The following SASH1 variants were observed in gnomAD, a reference collection of about 807,000 sequenced individuals.
The protein encoded by SASH1 is SAM and SH3 domain containing 1.
SASH1 carries 44 observed loss-of-function variants against 125.2 expected under a neutral mutation model. The observed-to-expected ratio is 0.35, with a 90% confidence interval of 0.28 to 0.45. The LOEUF is 0.45. SASH1 is among the 20% of genes least tolerant of loss of function. The pLI, the probability that SASH1 is intolerant of heterozygous loss-of-function variation, is 1.00. For synonymous variants in SASH1, 639 were observed against 649.1 expected, an observed-to-expected ratio of 0.98 and a Z score of 0.24; for missense variants, 1,426 against 1,614.5, an observed-to-expected ratio of 0.88 and a Z score of 2.00.
intron 1 of SASH1, among the ~76,000 whole-genome samples, chr6:148,365,412 C>CTT (rs11380415): frequency 5.5e-4 from 80 of 144,438 alleles, no homozygotes; most frequent in Middle Eastern, 3.5e-3. Context: ...CTTTTACTAT[C>CTT]TTTTTTTTTT....
Position 148,353,733 on chromosome 6 carries a change from C to A in SASH1, c.156+10510C>A, listed in dbSNP as rs193167027. 7.0e-3 allele frequency among the ~76,000 whole-genome samples: 1,067 copies of A among 152,216 alleles called. 11 individuals are homozygous for A. Among genetic ancestry groups the A allele is most frequent in the African/African-American group, 0.024 (1,010 of 41,532 alleles). On this transcript the variant is annotated intron_variant, in intron 1 of 19. Coordinates refer to ENST00000367467, the MANE Select transcript of SASH1 (RefSeq NM_015278.5). ...TACAGGCGTGAGCCACCATACCTGA[C>A]CAATTGATCTTAACTATTGATTTGA...
intron 1 of SASH1, among the ~76,000 whole-genome samples, chr6:148,284,101 A>G (rs764087660): frequency 6.6e-6 from 1 of 152,170 alleles, no homozygotes; most frequent in Non-Finnish European, 1.5e-5. Flanking sequence ...TTTGATGACA[A>G]GAACTAATAG....
chr6:148,264,176 C>CAA, the SASH1 span, among the ~76,000 whole-genome samples: 2,666 of 52,324 alleles, frequency 0.051, 146 homozygotes, highest in African/African-American at 0.14. Flanking sequence ...TTATTTTGAC[C>CAA]GAAAAAAAAA....
At chr6:148,456,298 C>T (rs1300450417) in intron 4 of SASH1, among the ~76,000 whole-genome samples, 3 of 152,124 alleles carry the variant, frequency 2.0e-5, no homozygotes, top group Non-Finnish European at 4.4e-5. Context: ...CCTCCCTGCC[C>T]GTCTCTATAG....
chr6:148,446,064 T>G (rs1053485774), intron 4 of SASH1, among the ~76,000 whole-genome samples: 1 of 149,872 alleles, frequency 6.7e-6, no homozygotes, highest in Non-Finnish European at 1.5e-5. Flanking sequence ...CGGAGCACAT[T>G]GCTATCCTGA....
intron 10 of SASH1, among the ~76,000 whole-genome samples, chr6:148,521,395 T>C (rs1780800851): frequency 6.6e-6 from 1 of 152,220 alleles, no homozygotes; most frequent in Non-Finnish European, 1.5e-5. Flanking sequence ...TCAGTGTAAT[T>C]TAAATTCATT....
chr6:148,382,664 G>A (rs1186011016), intron 1 of SASH1, among the ~76,000 whole-genome samples: 1 of 152,168 alleles, frequency 6.6e-6, no homozygotes, highest in Non-Finnish European at 1.5e-5. Context: ...AGAGCTCTGA[G>A]GAGGAGGGTT....
intron 15 of SASH1, among the ~76,000 whole-genome samples, chr6:148,534,498 A>G (rs952379589): frequency 5.9e-5 from 9 of 152,210 alleles, no homozygotes; most frequent in Non-Finnish European, 1.0e-4. Context: ...GTACAATTAT[A>G]GTGCAAGCCA....
intron 1 of SASH1, among the ~76,000 whole-genome samples, chr6:148,373,574 A>C (rs1782777561): frequency 6.6e-6 from 1 of 152,178 alleles, no homozygotes; most frequent in African/African-American, 2.4e-5. Context: ...ACATGATCTG[A>C]CTTAGTCTCC....
chr6:148,515,266 A>G (rs901725357), intron 9 of SASH1, among the ~76,000 whole-genome samples: 1 of 152,112 alleles, frequency 6.6e-6, no homozygotes, highest in African/African-American at 2.4e-5. Flanking sequence ...TATGCTTTTT[A>G]AAAAACACCT....
At chr6:148,201,088 A>G in the SASH1 span, among the ~76,000 whole-genome samples, 2 of 152,212 alleles carry the variant, frequency 1.3e-5, no homozygotes, top group African/African-American at 2.4e-5. Context: ...AATGAGAGAT[A>G]AAAACACCAT....
At chr6:148,331,304 T>A (rs570050707) in intron 1 of SASH1, among the ~76,000 whole-genome samples, 5 of 152,310 alleles carry the variant, frequency 3.3e-5, no homozygotes, top group Admixed American at 6.5e-5. Flanking sequence ...ATTGATGGAA[T>A]AATTCCCAGG....
chr6:148,514,180 C>T, intron 8 of SASH1, 144 bp from the exon 9 acceptor site: 2 of 1,449,914 alleles, frequency 1.4e-6, no homozygotes, highest in Admixed American at 2.8e-5. Flanking sequence ...CTTTGTAAAC[C>T]TCTTGGGCAA....
chr6:148,414,065 G>A (rs923229244), intron 2 of SASH1, among the ~76,000 whole-genome samples: 2 of 152,102 alleles, frequency 1.3e-5, no homozygotes, highest in East Asian at 3.9e-4. Flanking sequence ...AATATTTACA[G>A]CAGGGGCAAG....
chr6:148,473,479 C>T (rs933582054), intron 6 of SASH1, among the ~76,000 whole-genome samples: 1 of 152,164 alleles, frequency 6.6e-6, no homozygotes, highest in African/African-American at 2.4e-5. Flanking sequence ...GTCTCGAACT[C>T]CTAACCTCAA....
chr6:148,242,402 G>A, the SASH1 span, among the ~76,000 whole-genome samples: 5 of 152,098 alleles, frequency 3.3e-5, no homozygotes, highest in Admixed American at 3.3e-4. Context: ...TTTGGACTCT[G>A]TATTTTGGTA....
chr6:148,328,924 A>G (rs1780913991), intron 1 of SASH1, among the ~76,000 whole-genome samples: 1 of 152,132 alleles, frequency 6.6e-6, no homozygotes, highest in South Asian at 2.1e-4. Context: ...TCTTTAGCAC[A>G]TGAGGATCTG....
chr6:148,518,786 T>C (rs1446359829), intron 9 of SASH1, among the ~76,000 whole-genome samples: 1 of 152,164 alleles, frequency 6.6e-6, no homozygotes, highest in African/African-American at 2.4e-5. Flanking sequence ...TCCACCGGGC[T>C]CTGGAGGGCT....
the SASH1 span, among the ~76,000 whole-genome samples, chr6:148,242,859 A>G: frequency 1.3e-5 from 2 of 152,192 alleles, no homozygotes; most frequent in Non-Finnish European, 2.9e-5. Flanking sequence ...TTCTTCCTTA[A>G]GGACCATGGG....
Sources: gnomAD v4.1 joint callset for allele counts (sites outside exome capture counted in the v4.1 genomes callset) on GRCh38, gnomAD v4.1.1 for gene constraint, MANE v1.5 for transcripts, NCBI Gene and HGNC (gene_info 2026-07-23, HGNC 2026-07-21) for gene names.